PCDHA1: variants seen among roughly 807,000 people sequenced by gnomAD.
PCDHA1 encodes protocadherin alpha-1.
A neutral mutation model predicts 61.3 loss-of-function variants in PCDHA1; 42 were observed. The ratio of observed to expected loss-of-function variants is 0.69; its 90% CI spans 0.54 to 0.89. The LOEUF (loss-of-function observed/expected upper bound fraction) is 0.89, where lower values mean the gene tolerates loss of function less well. Among genes scored for constraint, PCDHA1 ranks in the 40% least tolerant of loss-of-function variants. PCDHA1 has a pLI of 0.00. For missense variants in PCDHA1, 1,256 were observed against 1,235.3 expected (o/e 1.02, Z -0.25); for synonymous variants, 610 against 553.8 (o/e 1.10, Z -1.43).
rs1002607780 is a variant in PCDHA1 at position 141,011,898 on chromosome 5, T to G, written c.*1961T>G. 1.8e-4 allele frequency: 27 copies of G among 148,586 alleles called. 1 individual carries two copies. Among genetic ancestry groups the G allele is most frequent in the Admixed American group, 1.5e-3 (23 of 15,026 alleles). The allele number at this position is 148,586 out of a possible 1,614,324, so 9.2% of individuals were successfully genotyped here. On this transcript the variant is annotated 3_prime_UTR_variant, in exon 4 of 4. Coordinates refer to ENST00000504120, the MANE Select transcript of PCDHA1 (RefSeq NM_018900.4). ...TAGAAGTTTGATTAATTATATTATC[T>G]ATTTAGGCATTAATATAAAAGAGGT...
At chr5:140,902,917 T>G (rs1235478755) in intron 1 of PCDHA1, among the ~76,000 whole-genome samples, 1 of 152,230 alleles carries the variant, frequency 6.6e-6, no homozygotes, top group Non-Finnish European at 1.5e-5. Context: ...CTGAGTAGTA[T>G]TGCATGGTGT....
In PCDHA1 at chr5:140,851,227, T is replaced by C; in HGVS notation, c.2394+62543T>C. On this transcript the variant is annotated intron_variant, in intron 1 of 3. Coordinates refer to ENST00000504120, the MANE Select transcript of PCDHA1 (RefSeq NM_018900.4). ...TCATTAAACATTAACATCACTATCA[T>C]TTATTTATTGCTAAATGATGCATAG... The C allele has an allele frequency of 4.4e-6, 5 of 1,142,852 alleles. 1 individual carries two copies. In the South Asian group the frequency reaches 1.4e-4, roughly 31 times the overall value. The allele number at this position is 1,142,852 out of a possible 1,614,324, so 70.8% of individuals were successfully genotyped here. A position where few individuals can be genotyped will look rare whatever the true frequency, so the allele number is the denominator to read the frequency against.
At chr5:140,819,523 A>C (rs1766575570) in intron 1 of PCDHA1, among the ~76,000 whole-genome samples, 2 of 152,158 alleles carry the variant, frequency 1.3e-5, no homozygotes, top group Admixed American at 6.5e-5. Flanking sequence ...TAACTGGATC[A>C]GTCAAGAAAA....
intron 1 of PCDHA1, among the ~76,000 whole-genome samples, chr5:140,820,744 T>C: frequency 6.6e-6 from 1 of 151,038 alleles, no homozygotes; most frequent in African/African-American, 2.5e-5. Context: ...TGTGAAATAG[T>C]ATGTCATATA....
At chr5:140,830,470 AG>A in intron 1 of PCDHA1, 2 of 1,563,546 alleles carry the variant, frequency 1.3e-6, no homozygotes. Context: ...ATTTAAATGA[AG>A]ATCATGATGC....
intron 1 of PCDHA1, among the ~76,000 whole-genome samples, chr5:140,964,550 C>T (rs13359943): frequency 0.012 from 1,826 of 152,168 alleles, 28 homozygotes; most frequent in African/African-American, 0.042. Flanking sequence ...ATGGCAGCGA[C>T]TTGGAGGGCT....
intron 3 of PCDHA1, among the ~76,000 whole-genome samples, chr5:140,994,117 G>C (rs889813029): frequency 6.6e-6 from 1 of 152,198 alleles, no homozygotes; most frequent in Non-Finnish European, 1.5e-5. Flanking sequence ...ATTGTCATGT[G>C]ATAAGGGCGA....
intron 1 of PCDHA1, chr5:140,796,569 G>A: frequency 1.9e-6 from 3 of 1,613,354 alleles, no homozygotes; most frequent in Non-Finnish European, 2.5e-6. Context: ...AGTTCCAGGT[G>A]AGCGCGCGGG....
At chr5:140,828,757 C>T in intron 1 of PCDHA1, 1 of 1,614,234 alleles carries the variant, frequency 6.2e-7, no homozygotes, top group Non-Finnish European at 8.5e-7. Flanking sequence ...AACCTGAGCT[C>T]ACAGGCACTG....
At chr5:140,882,327 T>C in intron 1 of PCDHA1, 1 of 1,614,172 alleles carries the variant, frequency 6.2e-7, no homozygotes, top group Non-Finnish European at 8.5e-7. Flanking sequence ...TGGCTTCTGA[T>C]CCTCGCAGCC....
chr5:140,788,128 C>G lies in PCDHA1; in HGVS notation c.1838C>G (p.Pro613Arg), dbSNP rs782235113. The G allele has an allele frequency of 2.5e-6, 4 of 1,613,916 alleles. No individual in the cohort carries two copies. The highest frequency in any genetic ancestry group is 2.2e-5 in the South Asian group (2 of 91,070). ...GCGTGGCTGTCCTATGAACTGCAGC[C>G]GGCAGCAGGCGGCGCGCGCATCCCG... ...YNAWLSYELQ[P>R]AAGGARIPFR... Residue 613 changes from proline to arginine, a missense_variant, in exon 1 of 4, where the codon CCG (proline) becomes CGG (arginine). Physicochemically the swap from Pro to Arg is moderately radical, Grantham distance 103. Coordinates refer to ENST00000504120, the MANE Select transcript of PCDHA1 (RefSeq NM_018900.4).
intron 1 of PCDHA1, chr5:140,834,834 C>G (rs1580793449): frequency 6.2e-7 from 1 of 1,611,936 alleles, no homozygotes; most frequent in Non-Finnish European, 8.5e-7. Flanking sequence ...GCTTGACTCT[C>G]GGTTTCCACT....
intron 1 of PCDHA1, chr5:140,835,259 G>A (rs1773539388): frequency 1.9e-6 from 3 of 1,607,888 alleles, no homozygotes. Context: ...TAAAATCCAA[G>A]TTCCACATGG....
At position 140,876,236 on chromosome 5, in the gene PCDHA1, T is replaced by A. The variant is rs782328225; in HGVS notation, c.2394+87552T>A. ...TATAAAGTAGTGTTGTCTGAAAATG[T>A]CCAAAACGACACAAGAGTGATCCAA... On this transcript the variant is annotated intron_variant, in intron 1 of 3. Coordinates refer to ENST00000504120, the MANE Select transcript of PCDHA1 (RefSeq NM_018900.4). The A allele has an allele frequency of 6.2e-7, 1 of 1,613,856 alleles. No homozygotes were observed. Among genetic ancestry groups the A allele is most frequent in the African/African-American group, 1.3e-5 (1 of 74,914 alleles).
At chr5:140,859,230 G>A (rs1168816968) in intron 1 of PCDHA1, 2 of 149,852 alleles carry the variant, frequency 1.3e-5, no homozygotes, top group Non-Finnish European at 3.0e-5. Context: ...TAAGGAAGGA[G>A]TCATGCTTAT....
chr5:140,801,449 G>A, intron 1 of PCDHA1: 2 of 1,614,004 alleles, frequency 1.2e-6, no homozygotes, highest in South Asian at 1.1e-5. Flanking sequence ...ATGGCATTTT[G>A]TTTGTGAATT....
At chr5:140,871,265 G>A (rs2052892595) in intron 1 of PCDHA1, 8 of 1,613,978 alleles carry the variant, frequency 5.0e-6, no homozygotes, top group Non-Finnish European at 6.8e-6. Flanking sequence ...ACGGCGCTGT[G>A]GTGGTCGGCA....
chr5:140,836,169 G>T (rs1386598071), intron 1 of PCDHA1: 1 of 1,613,722 alleles, frequency 6.2e-7, no homozygotes, highest in East Asian at 2.2e-5. Flanking sequence ...GAAGGTACGT[G>T]CAGTTGACGC....
intron 1 of PCDHA1, among the ~76,000 whole-genome samples, chr5:140,937,626 A>G (rs2091639486): frequency 6.6e-6 from 1 of 150,782 alleles, no homozygotes; most frequent in Non-Finnish European, 1.5e-5. Context: ...AAAAAGAAAA[A>G]GAAAGGCAGG....
Sources: allele counts gnomAD v4.1 joint callset (sites outside exome capture counted in the v4.1 genomes callset), GRCh38; gene constraint gnomAD v4.1.1; transcripts MANE v1.5; gene names NCBI Gene and HGNC (gene_info 2026-07-23, HGNC 2026-07-21).